CEP135: variants seen among roughly 807,000 people sequenced by gnomAD.
The protein encoded by CEP135 is centrosomal protein 135.
Under a neutral mutation model 157.3 loss-of-function variants are expected in CEP135, and 142 were observed. The observed-to-expected ratio is 0.90, with a 90% CI of 0.79 to 1.04. CEP135 has a LOEUF of 1.04. CEP135 is among the 50% of genes least tolerant of loss of function. The pLI is 0.00. For synonymous variants in CEP135, 396 were observed against 439.8 expected (o/e 0.90, Z 1.25); for missense variants, 1,317 against 1,309.2 (o/e 1.01, Z -0.09).
At chr4:55,986,494 A>C (rs1281527914) in intron 14 of CEP135, among the ~76,000 whole-genome samples, 1 of 152,180 alleles carries the variant, frequency 6.6e-6, no homozygotes, top group Non-Finnish European at 1.5e-5. Flanking sequence ...GTGAGCTGTG[A>C]TCACACCACT....
chr4:56,013,880 A>G (rs1730679368), intron 21 of CEP135, among the ~76,000 whole-genome samples: 1 of 152,204 alleles, frequency 6.6e-6, no homozygotes, highest in Non-Finnish European at 1.5e-5. Context: ...GTCATAGCGG[A>G]TTAGGGTTAG....
chr4:55,996,278 ACT>A (rs1729967655), intron 15 of CEP135, among the ~76,000 whole-genome samples: 1 of 152,092 alleles, frequency 6.6e-6, no homozygotes. Flanking sequence ...GCACCACTAC[ACT>A]CAGCTAATTT....
intron 11 of CEP135, among the ~76,000 whole-genome samples, chr4:55,979,850 C>T (rs931300915): frequency 1.3e-5 from 2 of 152,112 alleles, no homozygotes; most frequent in African/African-American, 2.4e-5. Context: ...TCAAGTACCA[C>T]GAGTATGAAC....
rs1264493135 is a variant in CEP135 at position 55,954,262 on chromosome 4, G to C, written c.351G>C (p.Leu117=). Reference sequence around the variant, plus strand: ...AATGTGCACGTGAAACAGCTGATCTGAAATTTCTGAATAACCAATATGCTC... The same window carrying C: ...AATGTGCACGTGAAACAGCTGATCTCAAATTTCTGAATAACCAATATGCTC... ...LKKCARETAD[L]KFLNNQYAHK... is the part of the protein sequence containing the mutation. Residue 117 remains leucine, a synonymous_variant, in exon 4 of 26, where the codon CTG becomes CTC. Transcript: ENST00000257287. 1.9e-6 allele frequency: 3 copies of C among 1,605,440 alleles called. No homozygotes were observed. Among genetic ancestry groups the C allele is most frequent in the Non-Finnish European group, 2.6e-6 (3 of 1,176,418 alleles).
At chr4:56,015,578 A>G (rs1730744552) in intron 21 of CEP135, among the ~76,000 whole-genome samples, 1 of 152,238 alleles carries the variant, frequency 6.6e-6, no homozygotes, top group African/African-American at 2.4e-5. Flanking sequence ...TTTGAAATCT[A>G]ATGGATTCAG....
chr4:56,010,265 A>T (rs1730531815), intron 19 of CEP135, among the ~76,000 whole-genome samples: 1 of 146,778 alleles, frequency 6.8e-6, no homozygotes, highest in African/African-American at 2.5e-5. Context: ...CGGAAGGCTG[A>T]GGCAGGAGAA....
chr4:55,986,404 TGG>T (rs1729584612), intron 14 of CEP135, among the ~76,000 whole-genome samples: 1 of 152,116 alleles, frequency 6.6e-6, no homozygotes, highest in Non-Finnish European at 1.5e-5. Context: ...TGGCCAGGCA[TGG>T]TGGCATGCAC....
chr4:55,986,406 G>GCAC (rs1729584809), intron 14 of CEP135, among the ~76,000 whole-genome samples: 1 of 152,128 alleles, frequency 6.6e-6, no homozygotes, highest in Non-Finnish European at 1.5e-5. Flanking sequence ...GCCAGGCATG[G>GCAC]TGGCATGCAC....
chr4:55,952,930 T>C (rs1365528628), intron 2 of CEP135, among the ~76,000 whole-genome samples, 155 bp from the exon 3 acceptor site: 1 of 152,246 alleles, frequency 6.6e-6, no homozygotes, highest in Non-Finnish European at 1.5e-5. Flanking sequence ...TTATAAATCT[T>C]ACAGGACTAC....
chr4:55,979,410 G>C (rs1729327176), intron 11 of CEP135, among the ~76,000 whole-genome samples: 1 of 152,178 alleles, frequency 6.6e-6, no homozygotes, highest in South Asian at 2.1e-4. Context: ...GTTGGAAGTA[G>C]TTGCTTATTC....
In CEP135 at chr4:56,032,828, TTG is replaced by T. The variant is rs1229982163; in HGVS notation, c.*1483_*1484del. On this transcript the variant is annotated 3_prime_UTR_variant, in exon 26 of 26. Coordinates refer to ENST00000257287, the MANE Select transcript of CEP135 (RefSeq NM_025009.5). ...TACTTATGATATATTTTGTTTCCTC[TTG>T]TGGTTTAATAAAGTGAAGTGTGTGT... 1 of 148,954 alleles carries T rather than the reference TTG, an allele frequency of 6.7e-6. No homozygotes were observed. Among genetic ancestry groups the T allele is most frequent in the Non-Finnish European group, 1.5e-5 (1 of 67,504 alleles). The allele number at this position is 148,954 out of a possible 1,614,324, so 9.2% of individuals were successfully genotyped here.
rs775302901 is a variant in CEP135, at chr4:56,020,699, C to T, written c.3239C>T (p.Thr1080Ile). 1 of 1,613,540 alleles carries T rather than the reference C, an allele frequency of 6.2e-7. No homozygotes were observed. Among genetic ancestry groups the T allele is most frequent in the Admixed American group, 1.7e-5 (1 of 59,982 alleles). ...AGAACTAGTCAAAGCCGGGAAAACA[C>T]CATGCTTCGAGCTAAAGTGGCACAG... ...SKLTSQSREN[T>I]MLRAKVAQLQ... The change falls in exon 24 of 26, where the codon ACC (threonine) becomes ATC (isoleucine). Residue 1080 changes from threonine (T) to isoleucine (I), a missense_variant. By Grantham distance (89) the Thr-to-Ile change is moderately conservative. Coordinates refer to ENST00000257287, the MANE Select transcript of CEP135 (RefSeq NM_025009.5).
Position 56,011,413 on chromosome 4 carries a change from A to G in CEP135, c.2507A>G (p.Glu836Gly), listed in dbSNP as rs1466752043. Residue 836 changes from glutamate (E) to glycine (G), a missense_variant and splice_region_variant, in exon 20 of 26, where the codon GAA becomes GGA. Glu to Gly is a moderately conservative substitution (Grantham distance 98). Transcript: ENST00000257287. ...TGTCTTTAATTTTCTGATTTGTAGG[A>G]AATCTCATTGGAATTGGAAGCAGCA... ...DLATMARENQ[E>G]ISLELEAAVQ... 1 of 1,594,124 alleles carries G rather than the reference A, an allele frequency of 6.3e-7. No homozygotes were observed. Among genetic ancestry groups the G allele is most frequent in the Non-Finnish European group, 8.5e-7 (1 of 1,169,826 alleles).
intron 6 of CEP135, chr4:55,960,925 C>CAAAAAAAAAAAAAA (rs60103294): frequency 2.6e-5 from 1 of 38,578 alleles, no homozygotes; most frequent in African/African-American, 1.0e-4. Context: ...GACTCCGTCT[C>CAAAAAAAAAAAAAA]AAAAAAAAAA....
chr4:56,028,453 T>C (rs998478242), intron 25 of CEP135, among the ~76,000 whole-genome samples: 3 of 152,202 alleles, frequency 2.0e-5, no homozygotes, highest in Non-Finnish European at 4.4e-5. Flanking sequence ...ATCAACAAAC[T>C]CATAATTTAT....
chr4:55,970,399 A>C (rs941048652), intron 9 of CEP135, among the ~76,000 whole-genome samples: 24 of 152,242 alleles, frequency 1.6e-4, no homozygotes, highest in African/African-American at 5.8e-4. Context: ...TTAAAAAAAT[A>C]ACCTGTTGAA....
At chr4:56,016,819 C>T (rs568214537) in intron 21 of CEP135, among the ~76,000 whole-genome samples, 1 of 152,176 alleles carries the variant, frequency 6.6e-6, no homozygotes, top group Middle Eastern at 3.4e-3. Flanking sequence ...GGACTATAGG[C>T]ATGTGCCACC....
chr4:55,990,276 A>G (rs1187250831), intron 14 of CEP135, among the ~76,000 whole-genome samples: 1 of 152,258 alleles, frequency 6.6e-6, no homozygotes, highest in African/African-American at 2.4e-5. Context: ...GTGTATTCTT[A>G]TTCCTTTACT....
intron 9 of CEP135, among the ~76,000 whole-genome samples, chr4:55,970,591 G>A (rs1728999728): frequency 6.6e-6 from 1 of 152,184 alleles, no homozygotes; most frequent in African/African-American, 2.4e-5. Context: ...TGCACTAAAT[G>A]TTGGATGTGA....
Sources: allele counts gnomAD v4.1 joint callset (sites outside exome capture counted in the v4.1 genomes callset), GRCh38; gene constraint gnomAD v4.1.1; transcripts MANE v1.5; gene names NCBI Gene and HGNC (gene_info 2026-07-23, HGNC 2026-07-21).